GARIN1A: variants seen among roughly 807,000 people sequenced by gnomAD.
GARIN1A encodes the protein golgi associated RAB2 interactor 1A.
chr7:128,676,019 C>CTT, the GARIN1A span, among the ~76,000 whole-genome samples: 759 of 121,556 alleles, frequency 6.2e-3, 9 homozygotes, highest in African/African-American at 7.9e-3. Context: ...TATTTAGTAT[C>CTT]TTTTTTTTTT....
the GARIN1A span, chr7:128,684,081 G>T: frequency 6.6e-6 from 1 of 152,140 alleles, no homozygotes; most frequent in Non-Finnish European, 1.5e-5. Context: ...TGAGATTTGG[G>T]CAGGGAGACA....
the GARIN1A span, among the ~76,000 whole-genome samples, chr7:128,701,357 A>G: frequency 2.2e-3 from 37 of 16,834 alleles, no homozygotes; most frequent in South Asian, 4.3e-3. Context: ...AGGGGAGGGG[A>G]AGGGGAGGGG....
chr7:128,695,717 A>T, the GARIN1A span, among the ~76,000 whole-genome samples: 40,976 of 151,108 alleles, frequency 0.27, 5,894 homozygotes, highest in East Asian at 0.54. The surrounding 1 kb of genome is among the most constrained non-coding windows in gnomAD (Gnocchi z 4.5). Context: ...ATTTTTGTAG[A>T]TTCTTTTGTA....
chr7:128,708,698 TTA>T, the GARIN1A span, among the ~76,000 whole-genome samples: 1 of 152,202 alleles, frequency 6.6e-6, no homozygotes, highest in Non-Finnish European at 1.5e-5. Context: ...TCTCCAGATT[TTA>T]TGTCTTTTCT....
chr7:128,677,499 C>T, the GARIN1A span: 29 of 620,310 alleles, frequency 4.7e-5, no homozygotes, highest in African/African-American at 7.6e-4. Context: ...AGCGAGACTC[C>T]GTCTCAAAAA....
the GARIN1A span, chr7:128,677,765 C>T: frequency 6.2e-7 from 1 of 1,613,874 alleles, no homozygotes; most frequent in Non-Finnish European, 8.5e-7. Flanking sequence ...GAATCAAATT[C>T]ACTCACTGCC....
the GARIN1A span, chr7:128,683,009 G>C: frequency 6.2e-7 from 1 of 1,610,454 alleles, no homozygotes; most frequent in Non-Finnish European, 8.5e-7. Context: ...GCAGCTACAA[G>C]ATACCCTCTC....
the GARIN1A span, among the ~76,000 whole-genome samples, chr7:128,689,011 C>G: frequency 6.6e-6 from 1 of 151,164 alleles, no homozygotes; most frequent in East Asian, 2.0e-4. Flanking sequence ...CTGTGTTGGC[C>G]GGGCTGGTCT....
At chr7:128,689,431 T>A in the GARIN1A span, among the ~76,000 whole-genome samples, 2 of 151,658 alleles carry the variant, frequency 1.3e-5, no homozygotes, top group Non-Finnish European at 2.9e-5. Flanking sequence ...GAGGAGCGCC[T>A]CTGCCCGGCC....
the GARIN1A span, among the ~76,000 whole-genome samples, chr7:128,694,164 G>A: frequency 2.0e-5 from 3 of 151,910 alleles, no homozygotes. Flanking sequence ...TGTGCCTTGG[G>A]AGACAGTGAA....
At chr7:128,702,551 G>C in the GARIN1A span, among the ~76,000 whole-genome samples, 1 of 152,084 alleles carries the variant, frequency 6.6e-6, no homozygotes, top group Admixed American at 6.6e-5. Flanking sequence ...TGAGATATAT[G>C]TATAAGATAA....
chr7:128,688,635 G>C, the GARIN1A span, among the ~76,000 whole-genome samples: 3 of 152,072 alleles, frequency 2.0e-5, no homozygotes, highest in Admixed American at 2.0e-4. Flanking sequence ...ATGTAGAGTT[G>C]TGTGATCTTC....
At chr7:128,698,193 G>C in the GARIN1A span, among the ~76,000 whole-genome samples, 1 of 152,108 alleles carries the variant, frequency 6.6e-6, no homozygotes, top group Non-Finnish European at 1.5e-5. Context: ...GGTCTGACAG[G>C]GTTGAGAACC....
the GARIN1A span, chr7:128,679,941 A>C: frequency 1.5e-6 from 1 of 663,898 alleles, no homozygotes; most frequent in East Asian, 3.1e-5. Context: ...CTCAACTGTA[A>C]TATCACAAAC....
At chr7:128,682,080 A>G in the GARIN1A span, among the ~76,000 whole-genome samples, 1 of 152,054 alleles carries the variant, frequency 6.6e-6, no homozygotes, top group Admixed American at 6.6e-5. Flanking sequence ...ATTGGAGAGG[A>G]GGACCTTGCT....
At chr7:128,696,736 G>A in the GARIN1A span, among the ~76,000 whole-genome samples, 3 of 152,236 alleles carry the variant, frequency 2.0e-5, no homozygotes, top group Non-Finnish European at 4.4e-5. Flanking sequence ...GTGTTTGGAA[G>A]TTCTTAAATG....
the GARIN1A span, chr7:128,677,709 G>T: frequency 6.2e-7 from 1 of 1,613,826 alleles, no homozygotes; most frequent in Non-Finnish European, 8.5e-7. Flanking sequence ...GGTCCGCTTG[G>T]TGAAAATTCT....
chr7:128,707,069 A>G, the GARIN1A span, among the ~76,000 whole-genome samples: 2 of 151,940 alleles, frequency 1.3e-5, no homozygotes, highest in Non-Finnish European at 2.9e-5. Flanking sequence ...TTGAGATGTA[A>G]AAAGCTGTAT....
chr7:128,691,977 A>C, the GARIN1A span, among the ~76,000 whole-genome samples: 1 of 152,300 alleles, frequency 6.6e-6, no homozygotes, highest in East Asian at 1.9e-4. Context: ...CAGTGGGGCC[A>C]CCATCCTGGC....
Sources: gnomAD v4.1 joint callset for allele counts (sites outside exome capture counted in the v4.1 genomes callset) on GRCh38, gnomAD v4.1.1 for gene constraint, Gnocchi (gnomAD v3.1) non-coding constraint, MANE v1.5 for transcripts, NCBI Gene and HGNC (gene_info 2026-07-23, HGNC 2026-07-21) for gene names.